The following PTPRD variants were observed in gnomAD, a reference collection of about 807,000 sequenced individuals.
The protein encoded by PTPRD is protein tyrosine phosphatase receptor type D.
In PTPRD, 34 loss-of-function variants were observed where a neutral mutation model predicts 214.5. That is an observed-to-expected ratio of 0.16 (90% CI 0.12 to 0.21). The LOEUF (loss-of-function observed/expected upper bound fraction) is 0.21, where lower values mean the gene tolerates loss of function less well. Among genes scored for constraint, PTPRD ranks in the 10% least tolerant of loss-of-function variants. The probability of loss-of-function intolerance (pLI) is 1.00; values close to 1 mark genes in which losing one functional copy is unlikely to be tolerated. For missense variants in PTPRD, 2,545 were observed against 2,398.7 expected (o/e 1.06, Z -1.27); for synonymous variants, 1,128 against 845.7 (o/e 1.33, Z -5.79).
chr9:8,837,150 C>T (rs7866882), intron 11 of PTPRD, among the ~76,000 whole-genome samples: 17,677 of 151,590 alleles, frequency 0.12, 3,022 homozygotes, highest in African/African-American at 0.38. Context: ...CTTAGCCTCC[C>T]TAGTAGCTGG....
chr9:9,275,123 ATATATT>A (rs1569566685), intron 9 of PTPRD, among the ~76,000 whole-genome samples: 122 of 58,664 alleles, frequency 2.1e-3, no homozygotes, highest in African/African-American at 8.3e-3. Context: ...TATATATTAT[ATATATT>A]ATATATAATA....
At chr9:8,347,681 A>C (rs576559653) in intron 39 of PTPRD, among the ~76,000 whole-genome samples, 1 of 152,114 alleles carries the variant, frequency 6.6e-6, no homozygotes, top group African/African-American at 2.4e-5. Flanking sequence ...TTAGGGAGGT[A>C]ATTAAGGTTA....
chr9:9,430,436 A>T (rs2082639685), intron 8 of PTPRD, among the ~76,000 whole-genome samples: 1 of 151,964 alleles, frequency 6.6e-6, no homozygotes, highest in Non-Finnish European at 1.5e-5. Flanking sequence ...TTCCATGTTC[A>T]TGGACAGGAA....
In PTPRD at chr9:9,933,939, C is replaced by A. The variant is rs540143209; in HGVS notation, c.-368+4568G>T. On this transcript the variant is annotated intron_variant, in intron 5 of 45. Transcript: ENST00000381196. ...ATTAAGAATCTCACTCAAAGCTGCT[C>A]AACTACATGGAAACTGAACAACCTG... Among the ~76,000 whole-genome samples the A allele has an allele frequency of 6.9e-5, 10 of 145,140 alleles. No homozygotes were observed. In the East Asian group the frequency reaches 2.0e-3, roughly 29 times the overall value.
chr9:10,296,601 T>A (rs1422558224), intron 3 of PTPRD, among the ~76,000 whole-genome samples: 1 of 152,104 alleles, frequency 6.6e-6, no homozygotes, highest in Non-Finnish European at 1.5e-5. Flanking sequence ...TTGTCAATAC[T>A]CTACTCCTTG....
intron 37 of PTPRD, among the ~76,000 whole-genome samples, chr9:8,380,518 A>G (rs1446406783): frequency 6.6e-6 from 1 of 152,150 alleles, no homozygotes; most frequent in Non-Finnish European, 1.5e-5. Context: ...ATTTCTTTTC[A>G]TTATCACAAA....
intron 6 of PTPRD, among the ~76,000 whole-genome samples, chr9:9,756,639 T>C (rs2098584719): frequency 6.6e-6 from 1 of 152,134 alleles, no homozygotes; most frequent in Non-Finnish European, 1.5e-5. Flanking sequence ...TGAAAATGTT[T>C]TGGAACTGGA....
At chr9:8,700,549 G>T (rs921245408) in intron 12 of PTPRD, 1 of 152,088 alleles carries the variant, frequency 6.6e-6, no homozygotes, top group Non-Finnish European at 1.5e-5. Context: ...AAAATAATAC[G>T]TTGTATTACA....
intron 3 of PTPRD, among the ~76,000 whole-genome samples, chr9:10,331,516 T>TAA (rs2096750340): frequency 6.6e-6 from 1 of 151,764 alleles, no homozygotes; most frequent in Admixed American, 6.6e-5. Context: ...AGTGGTTAGT[T>TAA]AAATAGTAAG....
At chr9:10,185,999 C>T (rs2154314313) in intron 3 of PTPRD, among the ~76,000 whole-genome samples, 1 of 152,160 alleles carries the variant, frequency 6.6e-6, no homozygotes, top group Middle Eastern at 3.4e-3. Context: ...AAAATAATGG[C>T]TCAGGTTTGA....
At chr9:10,140,726 G>A (rs1169821089) in intron 3 of PTPRD, among the ~76,000 whole-genome samples, 4 of 152,064 alleles carry the variant, frequency 2.6e-5, no homozygotes, top group Non-Finnish European at 5.9e-5. Flanking sequence ...GAAAAAAAAG[G>A]GAATCCTCCC....
chr9:10,325,304 G>A (rs1436022168), intron 3 of PTPRD, among the ~76,000 whole-genome samples: 1 of 151,972 alleles, frequency 6.6e-6, no homozygotes, highest in African/African-American at 2.4e-5. Context: ...TAGTTATACA[G>A]TAGGCAATTT....
At chr9:10,110,133 C>T (rs1422604030) in intron 3 of PTPRD, among the ~76,000 whole-genome samples, 2 of 152,174 alleles carry the variant, frequency 1.3e-5, no homozygotes, top group African/African-American at 2.4e-5. Flanking sequence ...CTGACACAAA[C>T]CGTCTGCTAA....
intron 3 of PTPRD, among the ~76,000 whole-genome samples, chr9:10,055,670 T>C (rs954541069): frequency 6.6e-6 from 1 of 152,092 alleles, no homozygotes; most frequent in Admixed American, 6.6e-5. Context: ...TTTTGCAGTA[T>C]GTGTATATAT....
chr9:9,281,182 G>A lies in PTPRD; in HGVS notation c.-202-97819C>T, dbSNP rs1183978036. On this transcript the variant is annotated intron_variant, in intron 9 of 45. Transcript: ENST00000381196. ...TAGAAAATAACATAGGAGAAAATCT[G>A]AATGACCTTAGGTATGGTGATGGCT... 7.9e-5 allele frequency among the ~76,000 whole-genome samples: 12 copies of A among 151,100 alleles called. No individual in the cohort carries two copies. In the Admixed American group the frequency reaches 8.0e-4, roughly 10 times the overall value.
chr9:8,998,016 G>C (rs1448268721), intron 11 of PTPRD, among the ~76,000 whole-genome samples: 1 of 151,922 alleles, frequency 6.6e-6, no homozygotes, highest in African/African-American at 2.4e-5. Flanking sequence ...AAGAAAAGTT[G>C]GAATCTAGCA....
chr9:9,283,808 C>A (rs534092818), intron 9 of PTPRD, among the ~76,000 whole-genome samples: 1 of 151,730 alleles, frequency 6.6e-6, no homozygotes, highest in East Asian at 2.0e-4. Context: ...TGTATATTGA[C>A]CCTGTGTGAT....
rs142784027 is a variant in PTPRD, at chr9:9,132,750, A to C, written c.-143+50554T>G. On this transcript the variant is annotated intron_variant, in intron 10 of 45. Transcript: ENST00000381196. ...CTGTAGGCAATGTTGCAGATTCCAA[A>C]TCTTCTTCCCATGCTATAGGGAATG... Among the ~76,000 whole-genome samples, 25 of 152,300 alleles carry C rather than the reference A, an allele frequency of 1.6e-4. No homozygotes were observed. The East Asian group carries it at 4.8e-3, about 29-fold the overall frequency.
At chr9:9,158,601 A>AAAAT (rs951367963) in intron 10 of PTPRD, among the ~76,000 whole-genome samples, 16 of 152,034 alleles carry the variant, frequency 1.1e-4, no homozygotes, top group East Asian at 5.8e-4. Flanking sequence ...CTCCATCTCG[A>AAAAT]AAATAAATAA....
Sources: gnomAD v4.1 joint callset for allele counts (sites outside exome capture counted in the v4.1 genomes callset) on GRCh38, gnomAD v4.1.1 for gene constraint, MANE v1.5 for transcripts, NCBI Gene and HGNC (gene_info 2026-07-23, HGNC 2026-07-21) for gene names.